Variants in CHRNA7 observed in about 807,000 individuals in gnomAD.
CHRNA7 encodes cholinergic receptor nicotinic alpha 7 subunit.
In CHRNA7, 17 loss-of-function variants were observed where a neutral mutation model predicts 48.0. The ratio of observed to expected loss-of-function variants is 0.35; its 90% confidence interval spans 0.24 to 0.53. CHRNA7 has a LOEUF of 0.53. CHRNA7 is among the 20% of genes least tolerant of loss of function. The probability of loss-of-function intolerance (pLI) is 0.92; values close to 1 mark genes in which losing one functional copy is unlikely to be tolerated. For synonymous variants in CHRNA7, 75 were observed against 242.3 expected, an observed-to-expected ratio of 0.31 and a Z score of 6.41; for missense variants, 155 against 577.7, an observed-to-expected ratio of 0.27 and a Z score of 7.50.
intron 2 of CHRNA7, among the ~76,000 whole-genome samples, chr15:32,067,002 AT>A (rs1263787270): frequency 6.6e-6 from 1 of 152,180 alleles, no homozygotes; most frequent in Non-Finnish European, 1.5e-5. Context: ...GAGAAAAAAA[AT>A]GGGGAAAAAT....
intron 2 of CHRNA7, among the ~76,000 whole-genome samples, chr15:32,059,944 C>CAAAAAAAAAAAAAAAAAAAA (rs34200550): frequency 9.1e-5 from 3 of 33,054 alleles, no homozygotes; most frequent in African/African-American, 1.2e-4. Context: ...AGTAGAAAAG[C>CAAAAAAAAAAAAAAAAAAAA]AAAAAAAAAA....
At chr15:32,114,091 CACACACACAT>C (rs2050824460) in intron 4 of CHRNA7, among the ~76,000 whole-genome samples, 1 of 106,480 alleles carries the variant, frequency 9.4e-6, no homozygotes, top group African/African-American at 3.0e-5. Flanking sequence ...TACATACATA[CACACACACAT>C]ATACACACAC....
chr15:32,139,835 G>C (rs1355095469), intron 4 of CHRNA7, among the ~76,000 whole-genome samples: 1 of 151,820 alleles, frequency 6.6e-6, no homozygotes. Context: ...CTTTTGATCA[G>C]TATATTTTTA....
At chr15:32,150,125 C>T (rs1273292337) in intron 4 of CHRNA7, among the ~76,000 whole-genome samples, 1 of 152,146 alleles carries the variant, frequency 6.6e-6, no homozygotes, top group Non-Finnish European at 1.5e-5. Context: ...AAACATAGCT[C>T]ACTGCAGCCT....
chr15:32,141,778 C>T (rs2051383791), intron 4 of CHRNA7, among the ~76,000 whole-genome samples: 1 of 152,156 alleles, frequency 6.6e-6, no homozygotes, highest in African/African-American at 2.4e-5. Context: ...ATTTTGTATC[C>T]TGAGACTTTG....
intron 2 of CHRNA7, among the ~76,000 whole-genome samples, chr15:32,057,788 A>G (rs4779972): frequency 7.7e-4 from 117 of 152,330 alleles, no homozygotes; most frequent in East Asian, 6.0e-3. Context: ...GATAACAGAT[A>G]TGTTGATAAA....
chr15:32,060,907 G>T (rs1180283657), intron 2 of CHRNA7, among the ~76,000 whole-genome samples: 1 of 152,206 alleles, frequency 6.6e-6, no homozygotes, highest in Non-Finnish European at 1.5e-5. Context: ...GAGTCCGAGA[G>T]GAGGACAGAG....
chr15:32,035,873 T>G (rs543915728), intron 2 of CHRNA7, among the ~76,000 whole-genome samples: 1 of 152,180 alleles, frequency 6.6e-6, no homozygotes, highest in African/African-American at 2.4e-5. Context: ...TTATCAACAT[T>G]CCCCACTAGA....
At chr15:32,088,121 C>T (rs2141242174) in intron 2 of CHRNA7, among the ~76,000 whole-genome samples, 1 of 152,286 alleles carries the variant, frequency 6.6e-6, no homozygotes, top group East Asian at 1.9e-4. Context: ...CCACTGGCAA[C>T]CACTGATAAA....
chr15:32,113,709 C>G (rs2050801264), intron 4 of CHRNA7, among the ~76,000 whole-genome samples: 1 of 152,040 alleles, frequency 6.6e-6, no homozygotes, highest in Non-Finnish European at 1.5e-5. Flanking sequence ...ATGAGGATTC[C>G]TGCTTTTAGA....
At chr15:32,114,020 ATAT>A in intron 4 of CHRNA7, among the ~76,000 whole-genome samples, 1 of 20,938 alleles carries the variant, frequency 4.8e-5, no homozygotes, top group Admixed American at 6.0e-4. Flanking sequence ...CTATCTCCAA[ATAT>A]ATATATATAT....
chr15:32,135,395 ATAGAG>A (rs950474738), intron 4 of CHRNA7, among the ~76,000 whole-genome samples: 85 of 152,360 alleles, frequency 5.6e-4, no homozygotes, highest in African/African-American at 2.0e-3. Context: ...ACAAATTTAT[ATAGAG>A]TAAAGGAATT....
At chr15:32,109,121 TAG>T (rs2050721379) in intron 3 of CHRNA7, among the ~76,000 whole-genome samples, 2 of 152,182 alleles carry the variant, frequency 1.3e-5, no homozygotes, top group Non-Finnish European at 1.5e-5. Flanking sequence ...GGCTACTCCA[TAG>T]AGAGAGCAGC....
intron 2 of CHRNA7, among the ~76,000 whole-genome samples, chr15:32,048,695 T>G (rs1035993978): frequency 1.2e-4 from 18 of 152,068 alleles, no homozygotes; most frequent in Non-Finnish European, 2.4e-4. Context: ...TTTTAGTTAT[T>G]TCTTGCCTTC....
At chr15:32,102,214 G>A (rs2050585765) in intron 3 of CHRNA7, 1 of 152,130 alleles carries the variant, frequency 6.6e-6, no homozygotes, top group African/African-American at 2.4e-5. Flanking sequence ...GCGCAATCTT[G>A]GCTTACTGCA....
intron 4 of CHRNA7, among the ~76,000 whole-genome samples, chr15:32,124,032 A>G (rs2051022177): frequency 6.6e-6 from 1 of 152,058 alleles, no homozygotes; most frequent in Non-Finnish European, 1.5e-5. Flanking sequence ...ACGAGTTAAA[A>G]CAATCACTAA....
At chr15:32,068,943 A>G (rs1182581573) in intron 2 of CHRNA7, among the ~76,000 whole-genome samples, 1 of 152,230 alleles carries the variant, frequency 6.6e-6, no homozygotes, top group East Asian at 1.9e-4. Flanking sequence ...CAATAATGAT[A>G]GAAACACTAG....
chr15:32,046,937 C>G (rs1438852590), intron 2 of CHRNA7, among the ~76,000 whole-genome samples: 1 of 151,216 alleles, frequency 6.6e-6, no homozygotes, highest in African/African-American at 2.4e-5. Context: ...ATCCTTTCCC[C>G]ATTGCTTGTT....
At chr15:32,034,930 G>A (rs568585601) in intron 2 of CHRNA7, among the ~76,000 whole-genome samples, 41 of 152,222 alleles carry the variant, frequency 2.7e-4, no homozygotes, top group Non-Finnish European at 3.7e-4. Context: ...AGTGTGAGAC[G>A]GGTCAGAGAG....
Sources: gnomAD v4.1 joint callset for allele counts (sites outside exome capture counted in the v4.1 genomes callset) on GRCh38, gnomAD v4.1.1 for gene constraint, MANE v1.5 for transcripts, NCBI Gene and HGNC (gene_info 2026-07-23, HGNC 2026-07-21) for gene names.